The following PKIA variants were observed in gnomAD, a reference collection of about 807,000 sequenced individuals.
PKIA encodes the protein PKI-alpha.
Under a neutral mutation model 7.6 loss-of-function variants are expected in PKIA, and 4 were observed. That is an observed-to-expected ratio of 0.52 (90% confidence interval 0.26 to 1.20). The LOEUF is 1.20. Among genes scored for constraint, PKIA ranks in the 50% most tolerant of loss-of-function variants. The pLI is 0.13. For missense variants in PKIA, 73 were observed against 86.2 expected (o/e 0.85, Z 0.61); for synonymous variants, 21 against 30.7 (o/e 0.68, Z 1.04).
chr8:78,521,729 A>C (rs566726872), intron 1 of PKIA, among the ~76,000 whole-genome samples: 48 of 152,038 alleles, frequency 3.2e-4, no homozygotes, highest in African/African-American at 1.1e-3. Context: ...TTTCTGGTAA[A>C]ATATACGTAA....
At chr8:78,595,202 T>A (rs145180183) in intron 2 of PKIA, among the ~76,000 whole-genome samples, 1,779 of 152,292 alleles carry the variant, frequency 0.012, 37 homozygotes, top group Non-Finnish European at 0.015. Context: ...TCAAAGGGAC[T>A]TCTTGATGCT....
At chr8:78,530,969 C>T (rs888176518) in intron 1 of PKIA, among the ~76,000 whole-genome samples, 1 of 152,044 alleles carries the variant, frequency 6.6e-6, no homozygotes, top group Admixed American at 6.6e-5. Context: ...TCTGAAATAT[C>T]ACCACTATAA....
At chr8:78,596,469 C>T (rs1390799334) in intron 2 of PKIA, among the ~76,000 whole-genome samples, 1 of 152,088 alleles carries the variant, frequency 6.6e-6, no homozygotes, top group Non-Finnish European at 1.5e-5. Flanking sequence ...AGACTCCTGA[C>T]CCCAGGTGAT....
chr8:78,601,707 T>C, intron 3 of PKIA, 35 bp from the exon 4 acceptor site: 1 of 1,494,208 alleles, frequency 6.7e-7, no homozygotes, highest in Non-Finnish European at 9.3e-7. Context: ...TCATTTTTAT[T>C]TTGCCTTTAT....
At chr8:78,521,552 A>G (rs1563564613) in intron 1 of PKIA, among the ~76,000 whole-genome samples, 1 of 151,968 alleles carries the variant, frequency 6.6e-6, no homozygotes. Context: ...ACTCAAAAGG[A>G]CAACTTAAGC....
chr8:78,567,667 AAGC>A (rs1054907969), intron 1 of PKIA, among the ~76,000 whole-genome samples: 2 of 152,154 alleles, frequency 1.3e-5, no homozygotes, highest in African/African-American at 4.8e-5. Flanking sequence ...CAACAATAAG[AAGC>A]AGAGAGTTAT....
intron 1 of PKIA, among the ~76,000 whole-genome samples, chr8:78,565,594 T>C (rs1180007531): frequency 6.6e-6 from 1 of 151,968 alleles, no homozygotes; most frequent in Non-Finnish European, 1.5e-5. Context: ...TTATTAAGGA[T>C]ACCTGGCAGT....
At chr8:78,558,629 C>T (rs558092434) in intron 1 of PKIA, 1 of 143,558 alleles carries the variant, frequency 7.0e-6, no homozygotes, top group East Asian at 2.4e-4. Context: ...TCAATTACCT[C>T]CACCTGGGTC....
In PKIA at chr8:78,521,578, A is replaced by G. The variant is rs528994986; in HGVS notation, c.-157+5110A>G. On this transcript the variant is annotated intron_variant, in intron 1 of 3. Transcript: ENST00000396418. ...CAACTTAAGCTGTTACCTTCTTTAC[A>G]TTTCCCAAATACCTTTTTTTGTACC... Among the ~76,000 whole-genome samples, 13 of 152,056 alleles carry G rather than the reference A, an allele frequency of 8.5e-5. 2 individuals carry two copies. In the South Asian group the frequency reaches 2.7e-3, roughly 32 times the overall value.
At chr8:78,545,004 C>A (rs75555936) in intron 1 of PKIA, among the ~76,000 whole-genome samples, 8,108 of 151,720 alleles carry the variant, frequency 0.053, 651 homozygotes, top group African/African-American at 0.17. Flanking sequence ...ATCTCCCAAA[C>A]GGTAATATAT....
chr8:78,544,171 C>G (rs1212392512), intron 1 of PKIA, among the ~76,000 whole-genome samples: 3 of 152,158 alleles, frequency 2.0e-5, no homozygotes, highest in Non-Finnish European at 4.4e-5. Flanking sequence ...CTACCTTCTA[C>G]CTCGTGGCAA....
intron 1 of PKIA, among the ~76,000 whole-genome samples, chr8:78,557,714 C>A (rs1032075957): frequency 3.9e-5 from 6 of 152,118 alleles, no homozygotes; most frequent in African/African-American, 1.2e-4. Flanking sequence ...TGTTCAACTG[C>A]AGTTTATTTG....
At chr8:78,597,592 C>T (rs548980292) in intron 2 of PKIA, among the ~76,000 whole-genome samples, 1 of 151,946 alleles carries the variant, frequency 6.6e-6, no homozygotes. Context: ...GCACCCCCCA[C>T]CTGATCTCAA....
intron 1 of PKIA, among the ~76,000 whole-genome samples, chr8:78,523,234 C>A (rs1042493785): frequency 6.6e-6 from 1 of 151,790 alleles, no homozygotes; most frequent in Non-Finnish European, 1.5e-5. Context: ...TGTAGCTGAC[C>A]CTAGACATGT....
At chr8:78,524,031 A>C (rs374142583) in intron 1 of PKIA, among the ~76,000 whole-genome samples, 1 of 97,010 alleles carries the variant, frequency 1.0e-5, no homozygotes, top group South Asian at 2.8e-4. Flanking sequence ...CGTTTATATA[A>C]ACGTTTATAT....
chr8:78,525,435 TCAC>T (rs1296466460), intron 1 of PKIA, among the ~76,000 whole-genome samples: 1 of 151,978 alleles, frequency 6.6e-6, no homozygotes, highest in Non-Finnish European at 1.5e-5. Flanking sequence ...AATGACTATT[TCAC>T]CACAAAATTC....
chr8:78,542,907 A>C (rs1243942179), intron 1 of PKIA, among the ~76,000 whole-genome samples: 1 of 152,120 alleles, frequency 6.6e-6, no homozygotes, highest in Non-Finnish European at 1.5e-5. Context: ...CTTCAGGGGA[A>C]GGCTGTCACC....
At chr8:78,536,431 T>G (rs750079416) in intron 1 of PKIA, among the ~76,000 whole-genome samples, 12 of 152,000 alleles carry the variant, frequency 7.9e-5, no homozygotes, top group Non-Finnish European at 1.5e-4. Flanking sequence ...ACTCTGGAAG[T>G]AGTGAGCACA....
chr8:78,550,599 A>T (rs1244598717), intron 1 of PKIA, among the ~76,000 whole-genome samples: 1 of 152,112 alleles, frequency 6.6e-6, no homozygotes, highest in East Asian at 1.9e-4. Flanking sequence ...GCTTGAAAAG[A>T]CAGACACTCC....
Sources: gnomAD v4.1 joint callset for allele counts (sites outside exome capture counted in the v4.1 genomes callset) on GRCh38, gnomAD v4.1.1 for gene constraint, MANE v1.5 for transcripts, NCBI Gene and HGNC (gene_info 2026-07-23, HGNC 2026-07-21) for gene names.